The following TBC1D12 variants were observed in gnomAD, a reference collection of about 807,000 sequenced individuals.
TBC1D12 encodes the protein TBC1 domain family, member 12.
Under a neutral mutation model 86.7 loss-of-function variants are expected in TBC1D12, and 56 were observed. The ratio of observed to expected loss-of-function variants is 0.65; its 90% confidence interval spans 0.52 to 0.81. TBC1D12 has a LOEUF of 0.81. Ranked by LOEUF, TBC1D12 falls within the 30% of genes least tolerant of loss-of-function variation. TBC1D12 has a pLI of 0.00. For synonymous variants in TBC1D12, 421 were observed against 411.7 expected, an observed-to-expected ratio of 1.02 and a Z score of -0.27; for missense variants, 1,023 against 1,038.8, an observed-to-expected ratio of 0.98 and a Z score of 0.21.
chr10:94,450,551 C>A (rs2055535005), intron 2 of TBC1D12, among the ~76,000 whole-genome samples: 1 of 151,988 alleles, frequency 6.6e-6, no homozygotes, highest in Admixed American at 6.6e-5. Context: ...ATCTAAAATA[C>A]TTTTAAATGA....
chr10:94,455,642 G>A (rs554395805), intron 2 of TBC1D12, among the ~76,000 whole-genome samples: 6 of 152,056 alleles, frequency 3.9e-5, no homozygotes, highest in Non-Finnish European at 5.9e-5. Context: ...AGAATTGTTC[G>A]TAATAAGCCA....
chr10:94,470,737 G>T (rs2055893650), intron 2 of TBC1D12, among the ~76,000 whole-genome samples: 1 of 131,078 alleles, frequency 7.6e-6, no homozygotes, highest in Non-Finnish European at 1.6e-5. Context: ...CAGGAGTGCT[G>T]CTATATAATT....
intron 2 of TBC1D12, among the ~76,000 whole-genome samples, chr10:94,443,017 C>T (rs555916680): frequency 1.3e-5 from 2 of 152,216 alleles, no homozygotes; most frequent in African/African-American, 4.8e-5. Context: ...TAGGGACACA[C>T]ACTATGCTTT....
intron 5 of TBC1D12, among the ~76,000 whole-genome samples, chr10:94,499,177 A>G (rs1365211276): frequency 6.6e-6 from 1 of 152,220 alleles, no homozygotes; most frequent in Non-Finnish European, 1.5e-5. Flanking sequence ...AAACATTTAA[A>G]ATCTGCTCAT....
At chr10:94,460,600 T>G (rs2055712574) in intron 2 of TBC1D12, among the ~76,000 whole-genome samples, 1 of 151,988 alleles carries the variant, frequency 6.6e-6, no homozygotes, top group Admixed American at 6.5e-5. Context: ...TTATCCTATT[T>G]GATGTTCTCT....
At chr10:94,514,595 A>C (rs1372123970) in intron 9 of TBC1D12, among the ~76,000 whole-genome samples, 3 of 152,164 alleles carry the variant, frequency 2.0e-5, no homozygotes, top group Non-Finnish European at 4.4e-5. Context: ...AAACGACATA[A>C]TTTCTTCCTT....
intron 2 of TBC1D12, among the ~76,000 whole-genome samples, chr10:94,446,538 C>A (rs957229739): frequency 6.6e-6 from 1 of 151,178 alleles, no homozygotes; most frequent in African/African-American, 2.4e-5. Context: ...GTTGTTGATT[C>A]TTTTAAAACA....
At chr10:94,416,983 G>C (rs557951000) in intron 1 of TBC1D12, among the ~76,000 whole-genome samples, 1 of 152,164 alleles carries the variant, frequency 6.6e-6, no homozygotes, top group Non-Finnish European at 1.5e-5. Context: ...AGGCAAAAAG[G>C]TTGGGTCTAA....
chr10:94,434,517 A>G (rs367739023), intron 1 of TBC1D12, among the ~76,000 whole-genome samples: 80 of 152,120 alleles, frequency 5.3e-4, no homozygotes, highest in African/African-American at 1.8e-3. Context: ...AAAAAAAAAA[A>G]AAAGAAAAAG....
chr10:94,500,643 A>G (rs2056383366), intron 6 of TBC1D12, among the ~76,000 whole-genome samples: 1 of 152,240 alleles, frequency 6.6e-6, no homozygotes, highest in African/African-American at 2.4e-5. Context: ...AAAAAAGAAA[A>G]TAGTCAATTA....
intron 4 of TBC1D12, among the ~76,000 whole-genome samples, chr10:94,494,580 G>A (rs1300034058): frequency 2.0e-5 from 3 of 152,048 alleles, no homozygotes; most frequent in Admixed American, 6.6e-5. Flanking sequence ...GTCTTGCTCT[G>A]TCACCCAGGC....
chr10:94,532,331 C>T (rs1842454910), intron 12 of TBC1D12, among the ~76,000 whole-genome samples: 1 of 151,666 alleles, frequency 6.6e-6, no homozygotes, highest in African/African-American at 2.4e-5. Context: ...GCACATGCCA[C>T]CACGCCCAGC....
intron 5 of TBC1D12, among the ~76,000 whole-genome samples, chr10:94,499,961 T>G (rs1007982990): frequency 1.7e-4 from 26 of 152,328 alleles, no homozygotes; most frequent in African/African-American, 5.3e-4. Context: ...ATTGACTGCA[T>G]ATTTCTGATT....
At chr10:94,483,792 C>G (rs1275386618) in intron 3 of TBC1D12, among the ~76,000 whole-genome samples, 2 of 151,822 alleles carry the variant, frequency 1.3e-5, no homozygotes, top group African/African-American at 4.8e-5. Flanking sequence ...GATGTGATCT[C>G]ATTTGTTCAT....
At chr10:94,438,206 A>C (rs1382462528) in intron 1 of TBC1D12, among the ~76,000 whole-genome samples, 1 of 147,234 alleles carries the variant, frequency 6.8e-6, no homozygotes, top group Non-Finnish European at 1.5e-5. Context: ...TGTTTCTCCC[A>C]CTCCTCAGTG....
At chr10:94,510,817 A>C (rs1409382808) in intron 8 of TBC1D12, among the ~76,000 whole-genome samples, 16 of 152,054 alleles carry the variant, frequency 1.1e-4, no homozygotes, top group Admixed American at 1.0e-3. Context: ...AGCTGATTCA[A>C]GTCTTTATAC....
chr10:94,430,074 A>G (rs528201311), intron 1 of TBC1D12, among the ~76,000 whole-genome samples: 1 of 152,216 alleles, frequency 6.6e-6, no homozygotes, highest in Admixed American at 6.5e-5. Context: ...TTCTAAAAAA[A>G]TAGATGGTGT....
chr10:94,403,828 T>TG (rs2054811454), intron 1 of TBC1D12, among the ~76,000 whole-genome samples: 2 of 152,218 alleles, frequency 1.3e-5, no homozygotes, highest in South Asian at 4.1e-4. Flanking sequence ...TCTGTTGCCT[T>TG]GTCCGCGGGA....
intron 1 of TBC1D12, among the ~76,000 whole-genome samples, chr10:94,423,717 T>C (rs2055110360): frequency 6.6e-6 from 1 of 152,172 alleles, no homozygotes; most frequent in Non-Finnish European, 1.5e-5. Context: ...TCTGCTTGTC[T>C]TAGCCTGTGT....
Sources: allele counts gnomAD v4.1 joint callset (sites outside exome capture counted in the v4.1 genomes callset), GRCh38; gene constraint gnomAD v4.1.1; transcripts MANE v1.5; gene names NCBI Gene and HGNC (gene_info 2026-07-23, HGNC 2026-07-21).